DPYD: variants seen among roughly 807,000 people sequenced by gnomAD.
DPYD encodes the protein dihydropyrimidine dehydrogenase, also known as dihydropyrimidine dehydrogenase [NADP(+)].
A neutral mutation model predicts 116.2 loss-of-function variants in DPYD; 109 were observed. The observed-to-expected ratio is 0.94, with a 90% CI of 0.80 to 1.10. The LOEUF is 1.10. DPYD is among the 50% of genes least tolerant of loss of function. The probability of loss-of-function intolerance (pLI) is 0.00; values close to 1 mark genes in which losing one functional copy is unlikely to be tolerated. For missense variants in DPYD, 1,302 were observed against 1,254.5 expected (o/e 1.04, Z -0.57); for synonymous variants, 440 against 432.0 (o/e 1.02, Z -0.23).
chr1:97,277,264 T>C (rs1353930713), intron 18 of DPYD, among the ~76,000 whole-genome samples: 1 of 151,584 alleles, frequency 6.6e-6, no homozygotes, highest in Admixed American at 6.6e-5. Context: ...GGTACTAAGC[T>C]CACTACCTGG....
intron 3 of DPYD, among the ~76,000 whole-genome samples, chr1:97,806,337 T>C (rs1168269834): frequency 1.3e-5 from 2 of 151,928 alleles, no homozygotes; most frequent in Non-Finnish European, 2.9e-5. Flanking sequence ...GTGTTCTTAA[T>C]ATTCATCATA....
At chr1:97,292,701 C>G (rs934060361) in intron 18 of DPYD, among the ~76,000 whole-genome samples, 1 of 120,132 alleles carries the variant, frequency 8.3e-6, no homozygotes, top group Non-Finnish European at 1.8e-5. Context: ...CACATGCGTG[C>G]ACGCGCGCGC....
chr1:97,330,186 G>C (rs1668916718), intron 16 of DPYD, among the ~76,000 whole-genome samples: 1 of 152,034 alleles, frequency 6.6e-6, no homozygotes, highest in African/African-American at 2.4e-5. Flanking sequence ...AATAAATACT[G>C]ATTTTCCTGG....
Position 97,405,150 on chromosome 1 carries a change from A to C in DPYD, c.1906-22689T>G, listed in dbSNP as rs151181713. ...CTTATATATAGGTATACATAAGCAC[A>C]TATATTATACGTAAGTATACACAAT... is the stretch of plus-strand genomic sequence containing the variant. On this transcript the variant is annotated intron_variant, in intron 14 of 22. Coordinates refer to ENST00000370192, the MANE Select transcript of DPYD (RefSeq NM_000110.4). Among the ~76,000 whole-genome samples, 70 of 152,230 alleles carry C rather than the reference A, an allele frequency of 4.6e-4. 1 individual carries two copies. In the East Asian group the frequency reaches 9.5e-3, roughly 21 times the overall value.
intron 13 of DPYD, among the ~76,000 whole-genome samples, chr1:97,458,784 C>T (rs1243228526): frequency 2.6e-5 from 4 of 152,040 alleles, no homozygotes; most frequent in African/African-American, 4.8e-5. Context: ...ATTTAAACTG[C>T]GAGGTTAAAA....
intron 3 of DPYD, among the ~76,000 whole-genome samples, chr1:97,745,577 A>C (rs1361199829): frequency 6.6e-6 from 1 of 152,142 alleles, no homozygotes; most frequent in Non-Finnish European, 1.5e-5. Context: ...TGGTTTTACC[A>C]TATAATAGCT....
In DPYD at chr1:97,152,771, A is replaced by T. The variant is rs560197020; in HGVS notation, c.2622+40298T>A. ...TCATCAAGTTGTCACTCTCTCAGGT[A>T]TAGCATACCTGAGAACTGAATACTT... On this transcript the variant is annotated intron_variant, in intron 20 of 22. Transcript: ENST00000370192. Among the ~76,000 whole-genome samples the T allele has an allele frequency of 2.0e-5, 3 of 151,860 alleles. No homozygotes were observed. In the East Asian group the frequency reaches 5.8e-4, roughly 29 times the overall value.
At chr1:97,832,903 C>T (rs1214169932) in intron 2 of DPYD, among the ~76,000 whole-genome samples, 1 of 141,032 alleles carries the variant, frequency 7.1e-6, no homozygotes, top group African/African-American at 2.7e-5. Flanking sequence ...AAATAAAATT[C>T]ACTGAGTTAT....
chr1:97,258,505 T>C (rs527904901), intron 18 of DPYD, among the ~76,000 whole-genome samples: 1 of 152,296 alleles, frequency 6.6e-6, no homozygotes, highest in African/African-American at 2.4e-5. Context: ...CTGCTTAAGT[T>C]GACTTTTGCT....
At chr1:97,618,413 T>G (rs900323477) in intron 8 of DPYD, among the ~76,000 whole-genome samples, 11 of 150,620 alleles carry the variant, frequency 7.3e-5, no homozygotes, top group African/African-American at 2.7e-4. Context: ...TCTGGCTCTG[T>G]CACACATGCT....
chr1:97,336,882 T>C (rs1185380639), intron 16 of DPYD, among the ~76,000 whole-genome samples: 3 of 152,000 alleles, frequency 2.0e-5, no homozygotes. Flanking sequence ...GTCACAGAGA[T>C]GGGATTGAAT....
intron 16 of DPYD, chr1:97,322,566 G>A (rs1668360573): frequency 6.6e-6 from 1 of 151,900 alleles, no homozygotes; most frequent in South Asian, 2.1e-4. Flanking sequence ...CATGGATACT[G>A]GATTTTATCT....
chr1:97,771,053 T>C (rs11165907), intron 3 of DPYD, among the ~76,000 whole-genome samples: 150,321 of 152,296 alleles, frequency 0.99, 74,214 homozygotes, highest in Middle Eastern at 1. Flanking sequence ...TGCAGTGGCT[T>C]ATGCCTGTAA....
chr1:97,576,698 C>CA (rs1435054281), intron 10 of DPYD, among the ~76,000 whole-genome samples: 1 of 152,174 alleles, frequency 6.6e-6, no homozygotes, highest in African/African-American at 2.4e-5. Context: ...CTGGCTTTAG[C>CA]ATATGCTCAT....
intron 15 of DPYD, among the ~76,000 whole-genome samples, chr1:97,378,235 T>C (rs911208036): frequency 1.3e-5 from 2 of 152,202 alleles, no homozygotes; most frequent in African/African-American, 4.8e-5. Flanking sequence ...CTCCTGTGAT[T>C]CCATTCTGTC....
chr1:97,277,373 TA>T (rs548859899), intron 18 of DPYD, among the ~76,000 whole-genome samples: 146 of 142,506 alleles, frequency 1.0e-3, no homozygotes, highest in East Asian at 1.4e-3. Context: ...GAGTTGAAAT[TA>T]AAAAAAAAAA....
At chr1:97,157,038 A>G (rs1438501695) in intron 20 of DPYD, among the ~76,000 whole-genome samples, 11 of 144,482 alleles carry the variant, frequency 7.6e-5, no homozygotes, top group African/African-American at 2.8e-4. Flanking sequence ...AACACCGCAT[A>G]TTCTCACTCA....
At chr1:97,742,500 C>T (rs1165520617) in intron 3 of DPYD, among the ~76,000 whole-genome samples, 2 of 152,108 alleles carry the variant, frequency 1.3e-5, no homozygotes, top group Non-Finnish European at 2.9e-5. Flanking sequence ...TCTCTAAATG[C>T]CATTGTTAGA....
chr1:97,293,953 A>G (rs1666368862), intron 18 of DPYD, among the ~76,000 whole-genome samples: 1 of 152,046 alleles, frequency 6.6e-6, no homozygotes, highest in Non-Finnish European at 1.5e-5. Flanking sequence ...GTCACAAACA[A>G]AAAAAACCAG....
Sources: allele counts gnomAD v4.1 joint callset (sites outside exome capture counted in the v4.1 genomes callset), GRCh38; gene constraint gnomAD v4.1.1; transcripts MANE v1.5; gene names NCBI Gene and HGNC (gene_info 2026-07-23, HGNC 2026-07-21).